UROS: variants seen among roughly 807,000 people sequenced by gnomAD.
UROS encodes the protein uroporphyrinogen III synthase, also known as uroporphyrinogen-III synthase.
UROS carries 18 observed loss-of-function variants against 33.0 expected under a neutral mutation model. The observed-to-expected ratio is 0.55, with a 90% CI of 0.38 to 0.81. The LOEUF is 0.81. UROS is among the 30% of genes least tolerant of loss of function. UROS has a pLI of 0.00. For synonymous variants in UROS, 114 were observed against 121.1 expected (o/e 0.94, Z 0.38); for missense variants, 293 against 314.9 (o/e 0.93, Z 0.53).
chr10:125,819,475 C>T (rs1564807380), intron 1 of UROS, among the ~76,000 whole-genome samples: 1 of 152,178 alleles, frequency 6.6e-6, no homozygotes, highest in African/African-American at 2.4e-5. Flanking sequence ...GCCTCGCTTT[C>T]TTCTGCTGGA....
chr10:125,788,402 T>G (rs1438551860), downstream of UROS, among the ~76,000 whole-genome samples: 1 of 152,192 alleles, frequency 6.6e-6, no homozygotes, highest in South Asian at 2.1e-4. Flanking sequence ...TGAACCACAG[T>G]TGTCCATGGC....
chr10:125,812,469 T>G (rs972572482), intron 4 of UROS, among the ~76,000 whole-genome samples, 181 bp from the exon 5 acceptor site: 1 of 152,248 alleles, frequency 6.6e-6, no homozygotes, highest in Admixed American at 6.5e-5. Context: ...TATAGGCAAT[T>G]TTTAAAAAAT....
chr10:125,799,162 TTAA>T (rs1851607344), intron 6 of UROS, among the ~76,000 whole-genome samples: 1 of 152,242 alleles, frequency 6.6e-6, no homozygotes, highest in African/African-American at 2.4e-5. Context: ...TGCAGGCCAC[TTAA>T]TTTCAAGTGT....
At chr10:125,803,735 T>A (rs1385471025) in intron 6 of UROS, among the ~76,000 whole-genome samples, 1 of 152,156 alleles carries the variant, frequency 6.6e-6, no homozygotes, top group Non-Finnish European at 1.5e-5. Flanking sequence ...TCCGGTCAAC[T>A]CTCAGAGGCT....
At chr10:125,786,752 CGTGGGAGGGTG>C (rs1470243976), downstream of UROS, among the ~76,000 whole-genome samples, 1 of 152,146 alleles carries the variant, frequency 6.6e-6, no homozygotes, top group Non-Finnish European at 1.5e-5. Context: ...ACTGCAGTCC[CGTGGGAGGGTG>C]AGCAGAAGAA....
chr10:125,814,614 C>A (rs1219146304), intron 4 of UROS, among the ~76,000 whole-genome samples: 1 of 152,126 alleles, frequency 6.6e-6, no homozygotes, highest in Non-Finnish European at 1.5e-5. Context: ...ATGGGCACTG[C>A]CATTTTCATA....
At chr10:125,792,061 C>T (rs1299587923) in intron 9 of UROS, 2 of 151,432 alleles carry the variant, frequency 1.3e-5, no homozygotes, top group African/African-American at 2.4e-5. Context: ...CAGTGAGACC[C>T]CATCTCTAAA....
chr10:125,796,290 A>T, intron 7 of UROS, 102 bp from the exon 8 acceptor site: 1 of 1,161,602 alleles, frequency 8.6e-7, no homozygotes, highest in Non-Finnish European at 1.3e-6. Context: ...ATACAGCACC[A>T]CCCTCCTGGA....
intron 1 of UROS, among the ~76,000 whole-genome samples, chr10:125,821,548 T>C (rs1420453333): frequency 1.3e-5 from 2 of 152,246 alleles, no homozygotes; most frequent in African/African-American, 2.4e-5. Context: ...GTGGTGGTGA[T>C]GGTTGCACAA....
intron 9 of UROS, chr10:125,791,644 G>C (rs1480309375): frequency 6.6e-6 from 1 of 152,164 alleles, no homozygotes; most frequent in Non-Finnish European, 1.5e-5. Flanking sequence ...ACTAAAAAGG[G>C]ATGAAGTACT....
chr10:125,800,298 C>T (rs889488802), intron 6 of UROS, among the ~76,000 whole-genome samples: 2 of 152,194 alleles, frequency 1.3e-5, no homozygotes, highest in Admixed American at 6.5e-5. Context: ...AACGTCTGCC[C>T]GTTTGTCTGC....
At chr10:125,791,843 T>C (rs1354025990) in intron 9 of UROS, 1 of 152,130 alleles carries the variant, frequency 6.6e-6, no homozygotes, top group South Asian at 2.1e-4. Flanking sequence ...TGGCTGCGAA[T>C]GGGTACCGGG....
At position 125,807,515 on chromosome 10, in the gene UROS, T is replaced by C. The variant is rs757066985; in HGVS notation, c.320-28A>G. 7.6e-6 allele frequency: 12 copies of C among 1,574,850 alleles called. No homozygotes were observed. In the African/African-American group the frequency reaches 1.2e-4, roughly 16 times the overall value. On this transcript the variant is annotated intron_variant, in intron 5 of 9. Transcript: ENST00000368797. ...GGAAAACCACAAAGAAATGTATTTC[T>C]TAACACGGTTATTGAAGTCCTTTTG...
At position 125,798,127 on chromosome 10, in the gene UROS, G is replaced by T; in HGVS notation, c.413C>A (p.Pro138His). 1.2e-6 allele frequency: 2 copies of T among 1,613,970 alleles called. No individual in the cohort carries two copies. The highest frequency in any genetic ancestry group is 1.7e-6 in the Non-Finnish European group (2 of 1,179,838). The change falls in exon 7 of 10, where the codon CCT becomes CAT. Residue 138 changes from proline (P) to histidine (H), a missense_variant. Transcript: ENST00000368797. ...YICSRESSAL[P>H]LLFPCGNLKR... The stretch of plus-strand genomic sequence containing the variant: ...GAGGTTTCCACAGGGAAATAGAAGA[G>T]GCAGTGCTGAGGACTCCCCTGTGAA...
intron 6 of UROS, among the ~76,000 whole-genome samples, chr10:125,800,207 C>A (rs1392511673): frequency 1.3e-5 from 2 of 152,222 alleles, no homozygotes; most frequent in African/African-American, 4.8e-5. Flanking sequence ...CCCGGTGAGA[C>A]CTCACCTTCA....
At chr10:125,798,611 G>A (rs796219255) in intron 6 of UROS, among the ~76,000 whole-genome samples, 2 of 152,204 alleles carry the variant, frequency 1.3e-5, no homozygotes, top group African/African-American at 2.4e-5. Context: ...CGGCAGCCAG[G>A]AGTGGCTCTG....
chr10:125,788,956 A>G lies in UROS; in HGVS notation c.710T>C (p.Leu237Pro), dbSNP rs777433697. 14 of 1,611,810 alleles carry G rather than the reference A, an allele frequency of 8.7e-6. No homozygotes were observed. In the South Asian group the frequency reaches 1.5e-4, roughly 18 times the overall value. Residue 237 changes from leucine to proline, a missense_variant, in exon 10 of 10, where the codon CTT becomes CCT. Transcript: ENST00000368797. The part of the protein sequence containing the change: ...TTARALAAQG[L>P]PVSCTAESPT... Reference sequence around the variant, plus strand: ...GCTCTCTGCAGTGCAGCTTACAGGAAGGCCCTGGGCGGCCAGCGCGCGAGC... The same window carrying G: ...GCTCTCTGCAGTGCAGCTTACAGGAGGGCCCTGGGCGGCCAGCGCGCGAGC...
At chr10:125,814,800 C>T (rs1853152789) in intron 4 of UROS, among the ~76,000 whole-genome samples, 1 of 152,128 alleles carries the variant, frequency 6.6e-6, no homozygotes, top group South Asian at 2.1e-4. Context: ...GGGGATATAT[C>T]AGTCCCTAGG....
At position 125,803,776 on chromosome 10, in the gene UROS, C is replaced by A. The variant is rs917386974; in HGVS notation, c.394+3637G>T. On this transcript the variant is annotated intron_variant, in intron 6 of 9. Transcript: ENST00000368797. ...GTGCTCCCCAGCTTGCCACCCACTG[C>A]CCCTGCCATGCTGTACTCTCCAGGA... Among the ~76,000 whole-genome samples, 3 of 152,214 alleles carry A rather than the reference C, an allele frequency of 2.0e-5. No homozygotes were observed. In the East Asian group the frequency reaches 5.8e-4, roughly 29 times the overall value.
Sources: allele counts gnomAD v4.1 joint callset (sites outside exome capture counted in the v4.1 genomes callset), GRCh38; gene constraint gnomAD v4.1.1; transcripts MANE v1.5; gene names NCBI Gene and HGNC (gene_info 2026-07-23, HGNC 2026-07-21).